Variants in MAP4 observed in about 807,000 individuals in gnomAD.
MAP4 encodes the protein microtubule associated protein 4.
In MAP4, 76 loss-of-function variants were observed where a neutral mutation model predicts 170.2. That is an observed-to-expected ratio of 0.45 (90% CI 0.37 to 0.54). MAP4 has a LOEUF of 0.54. MAP4 is among the 20% of genes least tolerant of loss of function. The pLI is 0.00. For synonymous variants in MAP4, 909 were observed against 994.5 expected, an observed-to-expected ratio of 0.91 and a Z score of 1.62; for missense variants, 2,506 against 2,748.0, an observed-to-expected ratio of 0.91 and a Z score of 1.97.
At chr3:48,054,139 T>G (rs1368383456) in intron 1 of MAP4, among the ~76,000 whole-genome samples, 1 of 149,960 alleles carries the variant, frequency 6.7e-6, no homozygotes, top group Non-Finnish European at 1.5e-5. Context: ...CCATCTCTAC[T>G]AAAAATACAA....
intron 1 of MAP4, among the ~76,000 whole-genome samples, chr3:48,047,740 T>C (rs2100125353): frequency 1.3e-5 from 2 of 152,254 alleles, no homozygotes. Context: ...TGTTCGTTCA[T>C]TTTGTTATTT....
chr3:47,993,790 A>C (rs1174836725), intron 2 of MAP4, among the ~76,000 whole-genome samples: 1 of 152,234 alleles, frequency 6.6e-6, no homozygotes, highest in Non-Finnish European at 1.5e-5. Context: ...GTTTTTTAGG[A>C]TGCTCAAAGC....
At chr3:47,935,447 C>T (rs1187796754) in intron 3 of MAP4, among the ~76,000 whole-genome samples, 1 of 152,028 alleles carries the variant, frequency 6.6e-6, no homozygotes, top group Non-Finnish European at 1.5e-5. Context: ...GTTTCAAAGG[C>T]CAAATAGAAA....
chr3:48,027,501 A>C (rs904898426), intron 1 of MAP4, among the ~76,000 whole-genome samples: 1 of 152,172 alleles, frequency 6.6e-6, no homozygotes, highest in Non-Finnish European at 1.5e-5. Context: ...AAAATGGCCA[A>C]TATCTCCAAA....
intron 17 of MAP4, among the ~76,000 whole-genome samples, chr3:47,858,621 TGTG>T (rs1458534972): frequency 1.4e-4 from 7 of 49,248 alleles, no homozygotes; most frequent in South Asian, 6.0e-4. Context: ...GTGTGCGCGT[TGTG>T]TGTGTGTGTG....
intron 8 of MAP4, among the ~76,000 whole-genome samples, chr3:47,912,969 A>G (rs2100036715): frequency 6.6e-6 from 1 of 152,220 alleles, no homozygotes; most frequent in Non-Finnish European, 1.5e-5. Flanking sequence ...CACTTCACGC[A>G]CACACACAAA....
intron 3 of MAP4, among the ~76,000 whole-genome samples, chr3:47,957,505 G>A (rs757493786): frequency 6.6e-5 from 10 of 151,958 alleles, no homozygotes; most frequent in Non-Finnish European, 1.5e-4. Context: ...TAGAGACAAG[G>A]TCTCACTATG....
intron 1 of MAP4, among the ~76,000 whole-genome samples, chr3:48,082,310 C>T (rs2100147023): frequency 6.6e-6 from 1 of 152,122 alleles, no homozygotes; most frequent in African/African-American, 2.4e-5. Context: ...AGTTATCTTC[C>T]CCAAAATATT....
chr3:47,891,254 A>C, intron 10 of MAP4: 1 of 1,536,284 alleles, frequency 6.5e-7, no homozygotes, highest in Non-Finnish European at 8.7e-7. Context: ...AGCAGTGCCG[A>C]GTTCCTTCTT....
intron 17 of MAP4, among the ~76,000 whole-genome samples, chr3:47,860,546 C>CT (rs1439192215): frequency 1.3e-5 from 2 of 152,188 alleles, no homozygotes; most frequent in African/African-American, 4.8e-5. Context: ...ATCTCTTGAC[C>CT]TTTTGTCTAG....
At chr3:47,896,393 GT>G (rs2100026858) in intron 10 of MAP4, among the ~76,000 whole-genome samples, 1 of 152,172 alleles carries the variant, frequency 6.6e-6, no homozygotes, top group Non-Finnish European at 1.5e-5. Flanking sequence ...GCCGGGCGTG[GT>G]GGCACATGCC....
At chr3:47,870,667 C>T (rs1384832907) in intron 15 of MAP4, 146 bp downstream of exon 15, 3 of 794,548 alleles carry the variant, frequency 3.8e-6, no homozygotes, top group Non-Finnish European at 1.8e-6. Flanking sequence ...GCACAAAACC[C>T]ACTACAGAGC....
At chr3:47,999,132 A>G (rs999312359) in intron 1 of MAP4, among the ~76,000 whole-genome samples, 1 of 152,096 alleles carries the variant, frequency 6.6e-6, no homozygotes, top group African/African-American at 2.4e-5. Flanking sequence ...GGCAGGACAA[A>G]GCAATTGCAA....
chr3:47,970,529 G>A (rs922699816), intron 3 of MAP4, among the ~76,000 whole-genome samples: 1 of 151,810 alleles, frequency 6.6e-6, no homozygotes, highest in Non-Finnish European at 1.5e-5. Flanking sequence ...ACATCAGAAG[G>A]CTGGGCGTGG....
chr3:48,049,956 TTAAA>T (rs2100126745), intron 1 of MAP4, among the ~76,000 whole-genome samples: 1 of 150,808 alleles, frequency 6.6e-6, no homozygotes, highest in South Asian at 2.1e-4. Flanking sequence ...AATAAATTAA[TTAAA>T]TTAAATTAAA....
chr3:48,050,255 T>A (rs2100126958), intron 1 of MAP4, among the ~76,000 whole-genome samples: 2 of 88,674 alleles, frequency 2.3e-5, no homozygotes, highest in Admixed American at 1.2e-4. Flanking sequence ...CGAGACTCCA[T>A]CTCAAAAAAA....
At chr3:48,042,432 A>C (rs1050418794) in intron 1 of MAP4, among the ~76,000 whole-genome samples, 14 of 152,230 alleles carry the variant, frequency 9.2e-5, no homozygotes, top group African/African-American at 3.1e-4. Context: ...AAACTCTGGC[A>C]ACTTAATAAT....
At chr3:47,985,242 T>C (rs1173850234) in intron 2 of MAP4, among the ~76,000 whole-genome samples, 2 of 151,390 alleles carry the variant, frequency 1.3e-5, no homozygotes, top group African/African-American at 4.9e-5. Context: ...ATGGTGCCAC[T>C]GCACTCCAGT....
chr3:48,047,666 A>C (rs1258767936), intron 1 of MAP4, among the ~76,000 whole-genome samples: 1 of 152,252 alleles, frequency 6.6e-6, no homozygotes, highest in Non-Finnish European at 1.5e-5. Context: ...TCTGTCAAGT[A>C]GACACAATTA....
Sources: gnomAD v4.1 joint callset for allele counts (sites outside exome capture counted in the v4.1 genomes callset) on GRCh38, gnomAD v4.1.1 for gene constraint, MANE v1.5 for transcripts, NCBI Gene and HGNC (gene_info 2026-07-23, HGNC 2026-07-21) for gene names.